The following DCX variants were observed in gnomAD, a reference collection of about 807,000 sequenced individuals.
DCX encodes the protein doublecortin.
Under a neutral mutation model 20.9 loss-of-function variants are expected in DCX, and 4 were observed. That is an observed-to-expected ratio of 0.19 (90% CI 0.09 to 0.44). DCX has a LOEUF of 0.44. Ranked by LOEUF, DCX falls within the 20% of genes least tolerant of loss-of-function variation. The probability of loss-of-function intolerance (pLI) is 0.99; values close to 1 mark genes in which losing one functional copy is unlikely to be tolerated. For missense variants in DCX, 133 were observed against 296.9 expected, an observed-to-expected ratio of 0.45 and a Z score of 4.06; for synonymous variants, 103 against 111.4, an observed-to-expected ratio of 0.92 and a Z score of 0.47.
chrX:111,365,081 A>T (rs186993606), intron 3 of DCX, among the ~76,000 whole-genome samples: 1,966 of 105,724 alleles, frequency 0.019, 57 homozygotes, highest in African/African-American at 0.064. Context: ...TATTATTATT[A>T]TTATTTTTAT....
At chrX:111,304,402 A>G (rs1264685827) in intron 6 of DCX, among the ~76,000 whole-genome samples, 1 of 112,047 alleles carries the variant, frequency 8.9e-6, no homozygotes, top group Non-Finnish European at 1.9e-5. Flanking sequence ...AAATACTAAG[A>G]TTTTTGGTGT....
chrX:111,405,080 C>T (rs1483204558), intron 2 of DCX, among the ~76,000 whole-genome samples: 1 of 112,298 alleles, frequency 8.9e-6, no homozygotes, highest in Admixed American at 9.5e-5. Context: ...ATCATGGAAG[C>T]ACAGCTGAAA....
At chrX:111,330,098 A>G (rs186614227) in intron 5 of DCX, among the ~76,000 whole-genome samples, 82 of 112,240 alleles carry the variant, frequency 7.3e-4, no homozygotes, top group Non-Finnish European at 9.8e-4. Flanking sequence ...GTCCAAGACA[A>G]GATAGGGTTC....
chrX:111,309,523 GA>G (rs2095052779), intron 6 of DCX, among the ~76,000 whole-genome samples: 1 of 111,882 alleles, frequency 8.9e-6, no homozygotes, highest in African/African-American at 3.2e-5. Flanking sequence ...ATCTTATTCA[GA>G]AAAACCAGTT....
At chrX:111,327,516 C>A (rs934146963) in intron 5 of DCX, among the ~76,000 whole-genome samples, 3 of 112,144 alleles carry the variant, frequency 2.7e-5, no homozygotes, top group Non-Finnish European at 5.6e-5. Flanking sequence ...TCTGTGGGAG[C>A]TATTTTACAA....
intron 3 of DCX, among the ~76,000 whole-genome samples, chrX:111,374,905 C>T (rs760072825): frequency 2.8e-5 from 3 of 106,566 alleles, no homozygotes; most frequent in African/African-American, 1.0e-4. Flanking sequence ...GGCTTCTCAG[C>T]TATTGGCCGG....
At chrX:111,368,009 A>G (rs1344352124) in intron 3 of DCX, among the ~76,000 whole-genome samples, 2 of 111,415 alleles carry the variant, frequency 1.8e-5, no homozygotes, top group Admixed American at 1.9e-4. Context: ...ATTTCAAGCC[A>G]CAGGCTGCGG....
chrX:111,368,272 A>G (rs1033602635), intron 3 of DCX, among the ~76,000 whole-genome samples: 2 of 111,632 alleles, frequency 1.8e-5, no homozygotes, highest in African/African-American at 6.5e-5. Context: ...TTTGGCCACA[A>G]GGCTATATGA....
intron 3 of DCX, among the ~76,000 whole-genome samples, chrX:111,387,573 C>T (rs1361756256): frequency 1.8e-5 from 2 of 112,088 alleles, no homozygotes; most frequent in Non-Finnish European, 3.8e-5. Context: ...ATTCTCTTTG[C>T]AAAAGCAAGA....
At chrX:111,348,874 AAAAAG>A (rs752352505) in intron 3 of DCX, among the ~76,000 whole-genome samples, 329 of 109,631 alleles carry the variant, frequency 3.0e-3, no homozygotes, top group African/African-American at 8.4e-3. Context: ...TTAAAAAAAA[AAAAAG>A]AAAAGAAAAG....
intron 3 of DCX, among the ~76,000 whole-genome samples, chrX:111,342,811 T>C (rs1207767620): frequency 2.7e-5 from 3 of 111,093 alleles, no homozygotes; most frequent in African/African-American, 9.8e-5. Flanking sequence ...TGCTCCTGAA[T>C]GACTCCTGGT....
chrX:111,384,628 C>A (rs986828968), intron 3 of DCX, among the ~76,000 whole-genome samples: 1 of 111,607 alleles, frequency 9.0e-6, no homozygotes, highest in African/African-American at 3.3e-5. Flanking sequence ...TTATAAAGGA[C>A]CATCACAGTC....
intron 3 of DCX, among the ~76,000 whole-genome samples, chrX:111,355,186 GA>G (rs1262506845): frequency 1.8e-5 from 2 of 111,926 alleles, no homozygotes; most frequent in East Asian, 5.6e-4. Context: ...TAAAGAAAAA[GA>G]TTTTTTTTTA....
intron 6 of DCX, 99 bp from the exon 7 acceptor site, chrX:111,301,842 C>T (rs1415676172): frequency 2.6e-6 from 2 of 760,453 alleles, no homozygotes; most frequent in African/African-American, 4.3e-5. Flanking sequence ...TTAATTTTTA[C>T]AACATAATAA....
At chrX:111,361,264 T>C (rs1924183821) in intron 3 of DCX, among the ~76,000 whole-genome samples, 1 of 112,086 alleles carries the variant, frequency 8.9e-6, no homozygotes, top group Admixed American at 9.5e-5. Context: ...ATTGCTTTAA[T>C]TACCTAAAAG....
intron 3 of DCX, among the ~76,000 whole-genome samples, chrX:111,334,384 C>T (rs1278386617): frequency 9.0e-6 from 1 of 111,681 alleles, no homozygotes; most frequent in Admixed American, 9.5e-5. Flanking sequence ...GTCTTGACCT[C>T]ATCAAATTGG....
At chrX:111,362,534 G>T (rs1234986439) in intron 3 of DCX, among the ~76,000 whole-genome samples, 2 of 111,573 alleles carry the variant, frequency 1.8e-5, no homozygotes, top group Non-Finnish European at 3.8e-5. Context: ...CTGCTAATGA[G>T]CATCTGTCTT....
chrX:111,350,396 G>A (rs761389218), intron 3 of DCX, among the ~76,000 whole-genome samples: 57 of 112,046 alleles, frequency 5.1e-4, no homozygotes, highest in African/African-American at 1.6e-3. Flanking sequence ...AAGCCTTTAC[G>A]CATTTTGTGC....
At chrX:111,388,665 T>C (rs1926710199) in intron 3 of DCX, among the ~76,000 whole-genome samples, 1 of 112,264 alleles carries the variant, frequency 8.9e-6, no homozygotes, top group East Asian at 2.8e-4. Context: ...ACAGAATATT[T>C]GATCAGACTA....
Sources: allele counts gnomAD v4.1 joint callset (sites outside exome capture counted in the v4.1 genomes callset), GRCh38; gene constraint gnomAD v4.1.1; transcripts MANE v1.5; gene names NCBI Gene and HGNC (gene_info 2026-07-23, HGNC 2026-07-21).